Variants in LEPR observed in about 807,000 individuals in gnomAD.
LEPR encodes leptin receptor.
In LEPR, 56 loss-of-function variants were observed where a neutral mutation model predicts 114.7. The ratio of observed to expected loss-of-function variants is 0.49; its 90% CI spans 0.39 to 0.61. LEPR has a LOEUF of 0.61. LEPR is among the 20% of genes least tolerant of loss of function. LEPR has a pLI of 0.00. For missense variants in LEPR, 1,202 were observed against 1,352.9 expected, an observed-to-expected ratio of 0.89 and a Z score of 1.75; for synonymous variants, 443 against 461.4, an observed-to-expected ratio of 0.96 and a Z score of 0.51.
intron 2 of LEPR, among the ~76,000 whole-genome samples, chr1:65,457,929 G>A (rs1274237243): frequency 1.3e-5 from 2 of 152,136 alleles, no homozygotes; most frequent in East Asian, 1.9e-4. Flanking sequence ...GTTCTCAAAG[G>A]CCAGTAGCCT....
chr1:65,476,778 C>A (rs1038090598), intron 2 of LEPR, among the ~76,000 whole-genome samples: 3 of 152,152 alleles, frequency 2.0e-5, no homozygotes, highest in Non-Finnish European at 2.9e-5. Context: ...AGGGGAATTG[C>A]AGGGCAATTA....
At chr1:65,512,774 T>C (rs749528971) in intron 2 of LEPR, among the ~76,000 whole-genome samples, 8 of 152,078 alleles carry the variant, frequency 5.3e-5, no homozygotes, top group Non-Finnish European at 8.8e-5. Context: ...GGAAAAGAAA[T>C]GGGAGCCTGA....
chr1:65,550,730 C>T (rs1652255992), intron 2 of LEPR, among the ~76,000 whole-genome samples: 2 of 152,196 alleles, frequency 1.3e-5, no homozygotes, highest in Non-Finnish European at 2.9e-5. Flanking sequence ...CACCTCTTTC[C>T]TTGACCGGGA....
intron 2 of LEPR, among the ~76,000 whole-genome samples, chr1:65,472,607 T>C (rs1647100079): frequency 8.3e-6 from 1 of 120,370 alleles, no homozygotes; most frequent in South Asian, 2.6e-4. Context: ...AATGAGTGTA[T>C]ATATATAGAC....
chr1:65,633,033 A>C lies in LEPR; in HGVS notation c.2674-3158A>C. ...CAAAAGGATGCATTATTGTAACCTA[A>C]CACAAAAATTTATAGTCCAGAACCC... On this transcript the variant is annotated intron_variant, in intron 19 of 19. Transcript: ENST00000349533. This position sits in a 1 kb window ranked among gnomAD's most constrained non-coding sequence, Gnocchi z 4.1. 1.2e-6 allele frequency: 1 copy of C among 822,506 alleles called. No individual in the cohort carries two copies. Among genetic ancestry groups the C allele is most frequent in the South Asian group, 1.7e-5 (1 of 59,768 alleles). The allele number at this position is 822,506 out of a possible 1,614,324, so 51.0% of individuals were successfully genotyped here.
intron 2 of LEPR, among the ~76,000 whole-genome samples, chr1:65,533,932 A>T (rs1650578952): frequency 6.6e-6 from 1 of 151,898 alleles, no homozygotes; most frequent in Non-Finnish European, 1.5e-5. Flanking sequence ...TTGCTTTCAG[A>T]TTTCTACATA....
At chr1:65,554,241 G>C (rs1652647523) in intron 2 of LEPR, among the ~76,000 whole-genome samples, 1 of 152,160 alleles carries the variant, frequency 6.6e-6, no homozygotes, top group African/African-American at 2.4e-5. Context: ...CGCTGTGCTG[G>C]GGGATCCACT....
intron 2 of LEPR, chr1:65,431,987 C>A (rs911768540): frequency 1.3e-6 from 2 of 1,494,002 alleles, no homozygotes; most frequent in African/African-American, 1.4e-5. Flanking sequence ...TGTGCACATG[C>A]GGCATTTTAC....
chr1:65,555,179 G>T (rs889526678), intron 2 of LEPR, among the ~76,000 whole-genome samples: 1 of 152,088 alleles, frequency 6.6e-6, no homozygotes, highest in Non-Finnish European at 1.5e-5. Context: ...AGCCACCCCC[G>T]CCTGTTCTTT....
rs1177688029 is a variant in LEPR at position 65,496,938 on chromosome 1, A to C, written c.-20-68608A>C. Among the ~76,000 whole-genome samples the C allele has an allele frequency of 2.6e-5, 4 of 152,128 alleles. No homozygotes were observed. The East Asian group carries it at 7.8e-4, about 30-fold the overall frequency. On this transcript the variant is annotated intron_variant, in intron 2 of 19. Transcript: ENST00000349533. ...CTACATTCAACAGGATCTCCAGGTG[A>C]TTCATGTGCACATCCAAATTTGAAA...
intron 2 of LEPR, chr1:65,434,024 A>G (rs953705811): frequency 2.6e-5 from 26 of 985,400 alleles, no homozygotes; most frequent in Non-Finnish European, 3.1e-5. Flanking sequence ...TACATTTTGC[A>G]AAAGTGTTTT....
chr1:65,588,572 C>CCT (rs1199024013), intron 5 of LEPR, among the ~76,000 whole-genome samples: 2 of 151,996 alleles, frequency 1.3e-5, no homozygotes, highest in African/African-American at 2.4e-5. Context: ...CCCTCATGCT[C>CCT]CTACCATTGG....
chr1:65,550,542 C>T (rs555261978), intron 2 of LEPR, among the ~76,000 whole-genome samples: 3 of 152,322 alleles, frequency 2.0e-5, no homozygotes, highest in Admixed American at 6.5e-5. Context: ...GCCCCAGCCT[C>T]GCTGCCGCCT....
At chr1:65,555,785 C>G (rs568673786) in intron 2 of LEPR, among the ~76,000 whole-genome samples, 2 of 152,280 alleles carry the variant, frequency 1.3e-5, no homozygotes, top group South Asian at 4.1e-4. Context: ...CAATGATTTT[C>G]TAATGAGAAT....
intron 14 of LEPR, among the ~76,000 whole-genome samples, chr1:65,613,949 A>G (rs1319525274): frequency 1.3e-5 from 2 of 152,122 alleles, no homozygotes; most frequent in Non-Finnish European, 2.9e-5. Flanking sequence ...TGACAATACA[A>G]ATTGCTGGTG....
chr1:65,525,997 G>T (rs2100596095), intron 2 of LEPR: 1 of 761,070 alleles, frequency 1.3e-6, no homozygotes, highest in African/African-American at 1.9e-5. Context: ...GCGGGCGGCG[G>T]GGGTGGGGTG....
chr1:65,465,152 G>T (rs867815061), intron 2 of LEPR, among the ~76,000 whole-genome samples: 3 of 152,072 alleles, frequency 2.0e-5, no homozygotes, highest in Admixed American at 6.5e-5. Flanking sequence ...CCTTTCTCTT[G>T]TGGGCAGTTA....
intron 5 of LEPR, among the ~76,000 whole-genome samples, chr1:65,584,485 C>T (rs931033017): frequency 1.3e-5 from 2 of 152,090 alleles, no homozygotes; most frequent in African/African-American, 4.8e-5. Context: ...CAAAACTGCA[C>T]AGTCCGTTCT....
chr1:65,431,306 AC>A (rs1487798950), intron 2 of LEPR, among the ~76,000 whole-genome samples: 2 of 152,178 alleles, frequency 1.3e-5, no homozygotes, highest in African/African-American at 4.8e-5. Flanking sequence ...GGGTACTCTC[AC>A]CCCCAAATGT....
Sources: gnomAD v4.1 joint callset for allele counts (sites outside exome capture counted in the v4.1 genomes callset) on GRCh38, gnomAD v4.1.1 for gene constraint, Gnocchi (gnomAD v3.1) non-coding constraint, MANE v1.5 for transcripts, NCBI Gene and HGNC (gene_info 2026-07-23, HGNC 2026-07-21) for gene names.